The following TTLL7 variants were observed in gnomAD, a reference collection of about 807,000 sequenced individuals.
TTLL7 encodes the protein tubulin polyglutamylase TTLL7.
TTLL7 carries 53 observed loss-of-function variants against 120.2 expected under a neutral mutation model. The ratio of observed to expected loss-of-function variants is 0.44; its 90% confidence interval spans 0.35 to 0.55. The LOEUF (loss-of-function observed/expected upper bound fraction) is 0.55. Among genes scored for constraint, TTLL7 ranks in the 20% least tolerant of loss-of-function variants. The pLI, the probability that TTLL7 is intolerant of heterozygous loss-of-function variation, is 0.00. For synonymous variants in TTLL7, 353 were observed against 351.7 expected, an observed-to-expected ratio of 1.00 and a Z score of -0.04; for missense variants, 803 against 1,054.7, an observed-to-expected ratio of 0.76 and a Z score of 3.31.
chr1:83,893,659 A>C (rs1295002863), intron 18 of TTLL7, among the ~76,000 whole-genome samples: 1 of 151,874 alleles, frequency 6.6e-6, no homozygotes, highest in East Asian at 1.9e-4. Context: ...GATCAAGGCA[A>C]ATTTAAACAT....
intron 14 of TTLL7, 28 bp downstream of exon 14, chr1:83,917,576 A>T: frequency 6.6e-7 from 1 of 1,506,174 alleles, no homozygotes; most frequent in Non-Finnish European, 9.2e-7. Flanking sequence ...CTACTTTGAT[A>T]AGTAAGGAAG....
At position 83,866,425 on chromosome 1, in the gene TTLL7, A is replaced by G. The variant is rs1317966999; in HGVS notation, c.*3537T>C. On this transcript the variant is annotated 3_prime_UTR_variant, in exon 21 of 21. Transcript: ENST00000260505. ...TACTCATATATTTTACAAATTAAAAAGACAGTTAAAATGAAATCTTTTTAT... is the reference window on the plus strand; with the variant it reads ...TACTCATATATTTTACAAATTAAAAGGACAGTTAAAATGAAATCTTTTTAT... 6.6e-6 allele frequency: 1 copy of G among 151,910 alleles called. No individual in the cohort carries two copies. The highest frequency in any genetic ancestry group is 2.4e-5 in the African/African-American group (1 of 41,442). 9.4% of individuals were successfully genotyped at this position (151,910 alleles called of 1,614,324 possible). A position where few individuals can be genotyped will look rare whatever the true frequency, so the allele number is the denominator to read the frequency against.
At chr1:83,938,955 C>A (rs1453695988) in intron 7 of TTLL7, among the ~76,000 whole-genome samples, 1 of 151,932 alleles carries the variant, frequency 6.6e-6, no homozygotes, top group African/African-American at 2.4e-5. Context: ...GTTCCTTAGG[C>A]CTATGGTATT....
intron 15 of TTLL7, among the ~76,000 whole-genome samples, chr1:83,909,421 C>T (rs1418064075): frequency 6.6e-6 from 1 of 151,746 alleles, no homozygotes; most frequent in African/African-American, 2.4e-5. Flanking sequence ...ATTTTTCAAA[C>T]TATATACAAG....
intron 10 of TTLL7, among the ~76,000 whole-genome samples, chr1:83,927,049 TA>T (rs575537033): frequency 2.0e-5 from 3 of 151,038 alleles, no homozygotes; most frequent in East Asian, 1.9e-4. Context: ...GTCATCCAAG[TA>T]AAAAAAAAGG....
chr1:83,946,996 C>A, intron 6 of TTLL7, 128 bp downstream of exon 6: 1 of 695,396 alleles, frequency 1.4e-6, no homozygotes, highest in Non-Finnish European at 2.2e-6. Flanking sequence ...TCCAAAACTA[C>A]AATAGTTAGA....
chr1:83,932,425 G>A (rs1659670710), intron 9 of TTLL7, among the ~76,000 whole-genome samples: 1 of 151,918 alleles, frequency 6.6e-6, no homozygotes. Flanking sequence ...GGAAGCAAAG[G>A]ATAAGTAAAA....
intron 15 of TTLL7, among the ~76,000 whole-genome samples, chr1:83,909,854 A>C (rs12354247): frequency 0.022 from 3,296 of 152,152 alleles, 56 homozygotes; most frequent in African/African-American, 0.044. Context: ...GGGAATTAAA[A>C]ACTGACCAAA....
At chr1:83,952,081 G>A in intron 2 of TTLL7, 105 bp from the exon 3 acceptor site, 2 of 1,450,336 alleles carry the variant, frequency 1.4e-6, no homozygotes, top group Non-Finnish European at 1.9e-6. Flanking sequence ...TACAAATCCT[G>A]GTACTTTAAA....
intron 6 of TTLL7, among the ~76,000 whole-genome samples, chr1:83,945,393 T>C (rs1648387693): frequency 6.6e-6 from 1 of 152,202 alleles, no homozygotes; most frequent in African/African-American, 2.4e-5. Flanking sequence ...TTTTTAAAAG[T>C]CAATGCCTCA....
Position 83,892,253 on chromosome 1 carries a change from T to A in TTLL7, c.2209-1772A>T, listed in dbSNP as rs1348382109. ...GTATATATATGAATATATATGTATA[T>A]ATGAATATATATACGAATATATATG... On this transcript the variant is annotated intron_variant, in intron 18 of 20. Transcript: ENST00000260505. Among the ~76,000 whole-genome samples, 4 of 139,634 alleles carry A rather than the reference T, an allele frequency of 2.9e-5. No homozygotes were observed. The East Asian group carries it at 8.1e-4, about 28-fold the overall frequency. The allele number at this position is 139,634 out of a possible 152,430, so 91.6% of individuals were successfully genotyped here. A position where few individuals can be genotyped will look rare whatever the true frequency, so the allele number is the denominator to read the frequency against.
intron 14 of TTLL7, among the ~76,000 whole-genome samples, chr1:83,915,806 C>A (rs545292416): frequency 2.6e-5 from 4 of 151,964 alleles, no homozygotes; most frequent in Admixed American, 6.5e-5. Context: ...GAAAAAAAAA[C>A]AACTCCATCA....
At chr1:83,948,755 G>A (rs931463427) in intron 4 of TTLL7, 60 bp from the exon 5 acceptor site, 17 of 1,172,092 alleles carry the variant, frequency 1.5e-5, no homozygotes, top group East Asian at 1.2e-4. Context: ...TCATGTATAC[G>A]ACAATACAAT....
chr1:83,978,962 A>C (rs186618038), intron 1 of TTLL7, among the ~76,000 whole-genome samples: 1 of 152,202 alleles, frequency 6.6e-6, no homozygotes, highest in Non-Finnish European at 1.5e-5. Flanking sequence ...GCTTATGACC[A>C]TGACTCCTCC....
At chr1:83,983,472 G>A (rs1253621659) in intron 1 of TTLL7, among the ~76,000 whole-genome samples, 1 of 152,004 alleles carries the variant, frequency 6.6e-6, no homozygotes, top group African/African-American at 2.4e-5. Context: ...ACTCAAGATG[G>A]ATTAAAGATT....
chr1:83,985,116 G>C (rs894976029), intron 1 of TTLL7, among the ~76,000 whole-genome samples: 1 of 152,128 alleles, frequency 6.6e-6, no homozygotes, highest in Non-Finnish European at 1.5e-5. Flanking sequence ...TCCCACAATA[G>C]GCCGCCTGTA....
At chr1:83,949,315 G>GTTTTTT (rs755429825) in intron 4 of TTLL7, 1 of 138,822 alleles carries the variant, frequency 7.2e-6, no homozygotes. Flanking sequence ...TTTTTGTTTT[G>GTTTTTT]TTTTTTTTTT....
intron 6 of TTLL7, chr1:83,946,197 G>A (rs150405621): frequency 0.042 from 6,339 of 152,160 alleles, 157 homozygotes; most frequent in Middle Eastern, 0.098. Flanking sequence ...GACTGCAGGC[G>A]CCCGCCACCA....
intron 1 of TTLL7, among the ~76,000 whole-genome samples, chr1:83,965,478 A>G (rs965770843): frequency 5.9e-5 from 9 of 152,144 alleles, no homozygotes; most frequent in African/African-American, 2.2e-4. Context: ...ACTGTGAGTC[A>G]GTTAAACCTC....
Sources: gnomAD v4.1 joint callset for allele counts (sites outside exome capture counted in the v4.1 genomes callset) on GRCh38, gnomAD v4.1.1 for gene constraint, MANE v1.5 for transcripts, NCBI Gene and HGNC (gene_info 2026-07-23, HGNC 2026-07-21) for gene names.